Variants in COL26A1 observed in about 807,000 individuals in gnomAD.
COL26A1 encodes the protein collagen alpha-1(XXVI) chain.
In COL26A1, 41 loss-of-function variants were observed where a neutral mutation model predicts 59.3. That is an observed-to-expected ratio of 0.69 (90% CI 0.54 to 0.90). The LOEUF (loss-of-function observed/expected upper bound fraction) is 0.90. Ranked by LOEUF, COL26A1 falls within the 40% of genes least tolerant of loss-of-function variation. COL26A1 has a pLI of 0.00. For missense variants in COL26A1, 612 were observed against 602.3 expected, an observed-to-expected ratio of 1.02 and a Z score of -0.17; for synonymous variants, 266 against 256.0, an observed-to-expected ratio of 1.04 and a Z score of -0.37.
At chr7:101,517,025 A>G (rs560256994) in intron 3 of COL26A1, among the ~76,000 whole-genome samples, 1 of 152,232 alleles carries the variant, frequency 6.6e-6, no homozygotes, top group Admixed American at 6.5e-5. Context: ...TTACCATGGC[A>G]ACTGCCTCCT....
At chr7:101,540,612 G>A (rs546117465) in intron 5 of COL26A1, among the ~76,000 whole-genome samples, 29 of 151,976 alleles carry the variant, frequency 1.9e-4, no homozygotes, top group African/African-American at 7.0e-4. Context: ...TAGCACTTTG[G>A]AAGGTCAAGG....
Position 101,419,971 on chromosome 7 carries a change from C to T in COL26A1, c.159-6C>T. The T allele has an allele frequency of 3.7e-6, 6 of 1,613,402 alleles. No individual in the cohort carries two copies. The highest frequency in any genetic ancestry group is 4.2e-6 in the Non-Finnish European group (5 of 1,179,804). Reference sequence around the variant, plus strand: ...AGGGCTCATGTGACTGTTGCTCTCTCCACAGGCACTGGTGCCATCACACAG... The same window carrying T: ...AGGGCTCATGTGACTGTTGCTCTCTTCACAGGCACTGGTGCCATCACACAG... On this transcript the variant is annotated splice_polypyrimidine_tract_variant and splice_region_variant and intron_variant, in intron 1 of 12. Transcript: ENST00000313669.
chr7:101,449,129 G>A (rs1468357512), intron 3 of COL26A1, among the ~76,000 whole-genome samples: 1 of 152,136 alleles, frequency 6.6e-6, no homozygotes, highest in Non-Finnish European at 1.5e-5. Context: ...GAGGTTCCAG[G>A]GCTGACTTGG....
chr7:101,405,627 C>T (rs923526736), intron 1 of COL26A1, among the ~76,000 whole-genome samples: 3 of 152,116 alleles, frequency 2.0e-5, no homozygotes, highest in Non-Finnish European at 2.9e-5. Flanking sequence ...GATCTTTTCT[C>T]ACGTGGTCCT....
chr7:101,468,530 G>A (rs1201773116), intron 3 of COL26A1, among the ~76,000 whole-genome samples: 3 of 152,132 alleles, frequency 2.0e-5, no homozygotes, highest in Admixed American at 6.6e-5. Flanking sequence ...GCAGGGCTCC[G>A]TGCCGCCAAG....
At chr7:101,498,527 C>A (rs1039620557) in intron 3 of COL26A1, among the ~76,000 whole-genome samples, 5 of 152,082 alleles carry the variant, frequency 3.3e-5, no homozygotes, top group African/African-American at 1.2e-4. Flanking sequence ...GCTCTGAGCA[C>A]CTTGGTGAGC....
intron 3 of COL26A1, among the ~76,000 whole-genome samples, chr7:101,519,488 G>A (rs1584481169): frequency 6.6e-6 from 1 of 152,120 alleles, no homozygotes; most frequent in Admixed American, 6.6e-5. Context: ...AGAGGCTGCC[G>A]GGCCCTGCTG....
chr7:101,543,052 G>T (rs1795651190), intron 5 of COL26A1, among the ~76,000 whole-genome samples: 1 of 152,230 alleles, frequency 6.6e-6, no homozygotes, highest in Admixed American at 6.5e-5. Flanking sequence ...CCAGAGCGCA[G>T]GTGGGGCTCT....
chr7:101,499,476 G>C (rs958211954), intron 3 of COL26A1, among the ~76,000 whole-genome samples: 4 of 152,268 alleles, frequency 2.6e-5, no homozygotes, highest in Admixed American at 1.3e-4. Flanking sequence ...TGAAGGTCAG[G>C]AGTTCGAGAC....
chr7:101,373,278 G>A (rs1003880638), intron 1 of COL26A1, among the ~76,000 whole-genome samples: 1 of 152,204 alleles, frequency 6.6e-6, no homozygotes, highest in Non-Finnish European at 1.5e-5. Context: ...CTACAGGCCT[G>A]AGCTCCTGGC....
At chr7:101,443,632 C>T (rs73712161) in intron 2 of COL26A1, among the ~76,000 whole-genome samples, 1,899 of 152,194 alleles carry the variant, frequency 0.012, 48 homozygotes, top group African/African-American at 0.044. Context: ...TGACAATGCA[C>T]GTAAAGTGAA....
At chr7:101,420,817 T>G (rs1697147610) in intron 2 of COL26A1, among the ~76,000 whole-genome samples, 1 of 151,184 alleles carries the variant, frequency 6.6e-6, no homozygotes, top group Non-Finnish European at 1.5e-5. Context: ...ACCACAGGCT[T>G]CAGGGACTCT....
intron 3 of COL26A1, among the ~76,000 whole-genome samples, chr7:101,520,216 T>C (rs1795111074): frequency 6.6e-6 from 1 of 152,074 alleles, no homozygotes; most frequent in African/African-American, 2.4e-5. Flanking sequence ...CATCATAAGC[T>C]GAAGATGGGG....
At chr7:101,496,283 G>C (rs1056131529) in intron 3 of COL26A1, among the ~76,000 whole-genome samples, 5 of 152,200 alleles carry the variant, frequency 3.3e-5, no homozygotes, top group African/African-American at 1.2e-4. Context: ...TTAATGCCCG[G>C]GTAACTGAAT....
intron 2 of COL26A1, among the ~76,000 whole-genome samples, chr7:101,434,189 T>C (rs1276275453): frequency 2.1e-4 from 6 of 28,580 alleles, no homozygotes; most frequent in African/African-American, 6.5e-4. Flanking sequence ...CTTCCTTCTC[T>C]CTCTCTCTCT....
At chr7:101,496,703 T>G (rs1794593520) in intron 3 of COL26A1, among the ~76,000 whole-genome samples, 2 of 152,008 alleles carry the variant, frequency 1.3e-5, no homozygotes, top group Admixed American at 6.6e-5. Context: ...CTGGCCAACA[T>G]GGCAAAAACC....
At chr7:101,517,798 ATTTTTTTTTTTTTTTTTTTTTTT>A (rs869245512) in intron 3 of COL26A1, among the ~76,000 whole-genome samples, 2 of 76,892 alleles carry the variant, frequency 2.6e-5, no homozygotes, top group African/African-American at 9.4e-5. Flanking sequence ...TTCTCCCCGC[ATTTTTTTTTTTTTTTTTTTTTTT>A]TTTTTTTTTT....
rs1440346624 is a variant in COL26A1, at chr7:101,413,755, CT to C, written c.159-6221del. 6.6e-5 allele frequency among the ~76,000 whole-genome samples: 10 copies of C among 152,236 alleles called. No homozygotes were observed. The East Asian group carries it at 1.9e-3, about 29-fold the overall frequency. ...CAGTCCCTTGCCATCCTGATGGAGGCTGCCGGGAGTGTGTTCATTTCTTGGC... is the reference window on the plus strand; with the variant it reads ...CAGTCCCTTGCCATCCTGATGGAGGCGCCGGGAGTGTGTTCATTTCTTGGC... On this transcript the variant is annotated intron_variant, in intron 1 of 12. Transcript: ENST00000313669.
intron 3 of COL26A1, among the ~76,000 whole-genome samples, chr7:101,482,077 C>T (rs1794168269): frequency 6.6e-6 from 1 of 151,536 alleles, no homozygotes; most frequent in African/African-American, 2.4e-5. Flanking sequence ...AGTGCAGTGG[C>T]ATGATCTCGG....
Sources: gnomAD v4.1 joint callset for allele counts (sites outside exome capture counted in the v4.1 genomes callset) on GRCh38, gnomAD v4.1.1 for gene constraint, MANE v1.5 for transcripts, NCBI Gene and HGNC (gene_info 2026-07-23, HGNC 2026-07-21) for gene names.